UBE3D: variants seen among roughly 807,000 people sequenced by gnomAD.
The protein encoded by UBE3D is ubiquitin protein ligase E3D.
A neutral mutation model predicts 49.6 loss-of-function variants in UBE3D; 48 were observed. That is an observed-to-expected ratio of 0.97 (90% confidence interval 0.77 to 1.23). The LOEUF (loss-of-function observed/expected upper bound fraction) is 1.23. Ranked by LOEUF, UBE3D falls within the 50% of genes most tolerant of loss-of-function variation. The pLI, the probability that UBE3D is intolerant of heterozygous loss-of-function variation, is 0.00. For missense variants in UBE3D, 452 were observed against 468.4 expected (o/e 0.96, Z 0.32); for synonymous variants, 189 against 174.2 (o/e 1.08, Z -0.67).
chr6:82,980,593 C>T (rs892542306), intron 8 of UBE3D, among the ~76,000 whole-genome samples: 5 of 152,002 alleles, frequency 3.3e-5, no homozygotes, highest in South Asian at 4.1e-4. Flanking sequence ...TCCTATTTGC[C>T]TATTTTTGTT....
intron 9 of UBE3D, among the ~76,000 whole-genome samples, chr6:82,901,373 C>T (rs1416392595): frequency 2.0e-5 from 3 of 152,158 alleles, no homozygotes; most frequent in Non-Finnish European, 4.4e-5. Flanking sequence ...ATAGTCCAGC[C>T]CAGTGCTTCT....
chr6:83,018,896 T>C (rs1780877492), intron 8 of UBE3D, 77 bp downstream of exon 8: 1 of 1,537,240 alleles, frequency 6.5e-7, no homozygotes, highest in Non-Finnish European at 8.9e-7. Context: ...GGCATTTAAT[T>C]CATTAATTTC....
At chr6:82,918,879 G>C (rs1773116036) in intron 9 of UBE3D, among the ~76,000 whole-genome samples, 1 of 151,920 alleles carries the variant, frequency 6.6e-6, no homozygotes, top group Non-Finnish European at 1.5e-5. Flanking sequence ...CTTCCCTGCT[G>C]TATATATAAG....
At chr6:82,905,433 T>G (rs1306620759) in intron 9 of UBE3D, among the ~76,000 whole-genome samples, 3 of 152,106 alleles carry the variant, frequency 2.0e-5, no homozygotes, top group East Asian at 1.9e-4. Context: ...AGCCACAAAC[T>G]TAATCGATAA....
At chr6:82,921,791 A>G (rs1773362584) in intron 9 of UBE3D, among the ~76,000 whole-genome samples, 1 of 152,216 alleles carries the variant, frequency 6.6e-6, no homozygotes, top group South Asian at 2.1e-4. Context: ...CCCAAGGAGA[A>G]CATGAGCTTG....
At chr6:83,038,350 TAAA>T (rs1562214794) in intron 5 of UBE3D, 63 bp downstream of exon 5, 1 of 1,290,378 alleles carries the variant, frequency 7.7e-7, no homozygotes, top group African/African-American at 1.5e-5. Flanking sequence ...ATATTTACTA[TAAA>T]ATATCATTCT....
chr6:83,000,230 T>G (rs1423088752), intron 8 of UBE3D, among the ~76,000 whole-genome samples: 1 of 152,226 alleles, frequency 6.6e-6, no homozygotes, highest in Non-Finnish European at 1.5e-5. Flanking sequence ...CCCAACCTTT[T>G]ATTTGAACCC....
chr6:82,995,150 G>C (rs1021424709), intron 8 of UBE3D, among the ~76,000 whole-genome samples: 1 of 152,140 alleles, frequency 6.6e-6, no homozygotes, highest in Non-Finnish European at 1.5e-5. Flanking sequence ...AGAGGCCAGA[G>C]GCAAACCAGG....
intron 8 of UBE3D, among the ~76,000 whole-genome samples, chr6:83,006,287 A>G (rs1015021455): frequency 6.6e-6 from 1 of 152,152 alleles, no homozygotes; most frequent in Non-Finnish European, 1.5e-5. Flanking sequence ...TGTCCCTTCA[A>G]ATTAAGAAGT....
In UBE3D at chr6:82,893,047, A is replaced by G. The variant is rs775742364; in HGVS notation, c.1150-5T>C. ...TTACATCTTCAAAAAGGCCACCTGGAGAAGGAAGAAAAACCCACAATGCTT... is the reference window on the plus strand; with the variant it reads ...TTACATCTTCAAAAAGGCCACCTGGGGAAGGAAGAAAAACCCACAATGCTT... On this transcript the variant is annotated splice_polypyrimidine_tract_variant and splice_region_variant and intron_variant, in intron 9 of 9. Transcript: ENST00000369747. The G allele has an allele frequency of 6.2e-7, 1 of 1,613,574 alleles. No homozygotes were observed. Among genetic ancestry groups the G allele is most frequent in the Admixed American group, 1.7e-5 (1 of 60,000 alleles).
chr6:82,957,503 A>T, intron 8 of UBE3D, 53 bp from the exon 9 acceptor site: 1 of 1,547,416 alleles, frequency 6.5e-7, no homozygotes, highest in Non-Finnish European at 8.7e-7. Flanking sequence ...TAATTATTTT[A>T]AAAATCTGAT....
chr6:83,065,839 T>TGTGCCAGATCGCAGGGCTGGCGCCGC lies in UBE3D; in HGVS notation c.-122_-121insGCGGCGCCAGCCCTGCGATCTGGCAC, dbSNP rs1458609416. On this transcript the variant is annotated 5_prime_UTR_variant, in exon 1 of 10. Coordinates refer to ENST00000369747, the MANE Select transcript of UBE3D (RefSeq NM_198920.3). ...GCAGCCCCGCTGCGGCGCAGGCGCC[T>TGTGCCAGATCGCAGGGCTGGCGCCGC]GTGCCAGATCGCAGGGCTGGCGCCG... 5 of 1,037,694 alleles carry TGTGCCAGATCGCAGGGCTGGCGCCGC rather than the reference T, an allele frequency of 4.8e-6. No homozygotes were observed. The African/African-American group carries it at 8.1e-5, about 17-fold the overall frequency. 64.3% of individuals were successfully genotyped at this position (1,037,694 alleles called of 1,614,324 possible). A position where few individuals can be genotyped will look rare whatever the true frequency, so the allele number is the denominator to read the frequency against.
chr6:83,027,458 A>AAAAAAAAAAAAAAAAAAAG (rs571635643), intron 5 of UBE3D, among the ~76,000 whole-genome samples: 2 of 147,466 alleles, frequency 1.4e-5, no homozygotes, highest in African/African-American at 5.0e-5. Context: ...AAAAAAAAAA[A>AAAAAAAAAAAAAAAAAAAG]AAAGAAACCA....
intron 9 of UBE3D, among the ~76,000 whole-genome samples, chr6:82,953,089 T>C (rs1218846707): frequency 6.6e-6 from 1 of 152,178 alleles, no homozygotes; most frequent in African/African-American, 2.4e-5. Context: ...GGTATAGAAA[T>C]GGCCTTGTGC....
chr6:83,021,353 AT>A, intron 7 of UBE3D, among the ~76,000 whole-genome samples: 1 of 152,264 alleles, frequency 6.6e-6, no homozygotes, highest in Middle Eastern at 3.4e-3. Flanking sequence ...AGGTGGGAGG[AT>A]CACTTTAGCC....
rs556975057 is a variant in UBE3D, at chr6:83,044,793, A to C, written c.366-134T>G. On this transcript the variant is annotated intron_variant, in intron 3 of 9. Transcript: ENST00000369747. ...ATGCTAATTTTTTCCCCAATTATAA[A>C]AGTAATATATACTCACTACAGCTAA... The C allele has an allele frequency of 1.5e-3, 1,059 of 719,618 alleles. 2 individuals carry two copies. Among genetic ancestry groups the C allele is most frequent in the Non-Finnish European group, 1.8e-3 (781 of 433,626 alleles). The allele number at this position is 719,618 out of a possible 1,614,324, so 44.6% of individuals were successfully genotyped here.
At chr6:83,015,169 G>A (rs1780612650) in intron 8 of UBE3D, among the ~76,000 whole-genome samples, 1 of 152,112 alleles carries the variant, frequency 6.6e-6, no homozygotes, top group African/African-American at 2.4e-5. Context: ...ACAGAGAAGG[G>A]CAATTACGGG....
At chr6:83,020,983 T>C (rs1199140647) in intron 7 of UBE3D, among the ~76,000 whole-genome samples, 2 of 152,204 alleles carry the variant, frequency 1.3e-5, no homozygotes, top group Non-Finnish European at 2.9e-5. Flanking sequence ...TCCAGATAAA[T>C]GCTCAAAATT....
chr6:83,037,474 A>C (rs1425747228), intron 5 of UBE3D: 1 of 152,216 alleles, frequency 6.6e-6, no homozygotes, highest in African/African-American at 2.4e-5. Context: ...GTGTTGCTTC[A>C]GAGGCTTGCT....
Sources: allele counts gnomAD v4.1 joint callset (sites outside exome capture counted in the v4.1 genomes callset), GRCh38; gene constraint gnomAD v4.1.1; transcripts MANE v1.5; gene names NCBI Gene and HGNC (gene_info 2026-07-23, HGNC 2026-07-21).